The following EFR3A variants were observed in gnomAD, a reference collection of about 807,000 sequenced individuals.
EFR3A encodes the protein EFR3 homolog A.
Under a neutral mutation model 104.4 loss-of-function variants are expected in EFR3A, and 76 were observed. The ratio of observed to expected loss-of-function variants is 0.73; its 90% confidence interval spans 0.60 to 0.88. The LOEUF is 0.88. Among genes scored for constraint, EFR3A ranks in the 40% least tolerant of loss-of-function variants. The probability of loss-of-function intolerance (pLI) is 0.00; values close to 1 mark genes in which losing one functional copy is unlikely to be tolerated. For synonymous variants in EFR3A, 330 were observed against 330.0 expected (o/e 1.00, Z 0.00); for missense variants, 985 against 1,012.5 (o/e 0.97, Z 0.37).
chr8:131,945,363 A>G (rs1224808269), intron 3 of EFR3A, among the ~76,000 whole-genome samples: 2 of 152,022 alleles, frequency 1.3e-5, no homozygotes, highest in Admixed American at 6.6e-5. Context: ...TGTGCTAGCT[A>G]TACTCTTACT....
chr8:131,933,152 TAAAA>T (rs1817699808), intron 1 of EFR3A, among the ~76,000 whole-genome samples: 1 of 152,126 alleles, frequency 6.6e-6, no homozygotes, highest in African/African-American at 2.4e-5. Flanking sequence ...TTTTATATAT[TAAAA>T]AAGGGAATCA....
chr8:131,942,608 G>A (rs1818217177), intron 2 of EFR3A, among the ~76,000 whole-genome samples: 1 of 152,060 alleles, frequency 6.6e-6, no homozygotes, highest in African/African-American at 2.4e-5. Flanking sequence ...GTCTATCATT[G>A]TGCCTGGCAC....
intron 1 of EFR3A, among the ~76,000 whole-genome samples, chr8:131,911,954 A>C (rs945250805): frequency 6.6e-6 from 1 of 152,222 alleles, no homozygotes; most frequent in South Asian, 2.1e-4. Flanking sequence ...GCCGAGGGAA[A>C]GTTAGAGTAA....
At chr8:131,986,947 C>G (rs962235331) in intron 17 of EFR3A, among the ~76,000 whole-genome samples, 5 of 151,896 alleles carry the variant, frequency 3.3e-5, no homozygotes, top group African/African-American at 1.2e-4. Context: ...TAATAGGTAA[C>G]AATACTCAAA....
chr8:131,972,570 TAC>T (rs1391895395), intron 10 of EFR3A, among the ~76,000 whole-genome samples: 1 of 151,890 alleles, frequency 6.6e-6, no homozygotes, highest in African/African-American at 2.4e-5. Context: ...ACTGTATAAA[TAC>T]AGATTCAAGC....
chr8:131,936,288 C>T (rs1817875764), intron 1 of EFR3A, among the ~76,000 whole-genome samples: 3 of 152,110 alleles, frequency 2.0e-5, no homozygotes, highest in Admixed American at 1.3e-4. Flanking sequence ...AAACTGCTTG[C>T]TTCTTCTACT....
At chr8:131,968,702 A>G (rs1416822795) in intron 9 of EFR3A, among the ~76,000 whole-genome samples, 2 of 152,174 alleles carry the variant, frequency 1.3e-5, no homozygotes, top group Non-Finnish European at 2.9e-5. Flanking sequence ...GAGAGAATGC[A>G]GATATAAGAA....
intron 1 of EFR3A, among the ~76,000 whole-genome samples, chr8:131,915,919 G>T (rs1268987195): frequency 6.6e-6 from 1 of 152,138 alleles, no homozygotes; most frequent in African/African-American, 2.4e-5. Context: ...AGACACTGAG[G>T]ATACGGTGCT....
chr8:131,977,389 C>T (rs1478737735), intron 12 of EFR3A, among the ~76,000 whole-genome samples: 2 of 152,062 alleles, frequency 1.3e-5, no homozygotes, highest in African/African-American at 4.8e-5. Flanking sequence ...TGATAAGGTC[C>T]ACCAAAGTCA....
At chr8:131,914,075 G>C (rs1194894553) in intron 1 of EFR3A, among the ~76,000 whole-genome samples, 7 of 152,162 alleles carry the variant, frequency 4.6e-5, no homozygotes, top group Non-Finnish European at 8.8e-5. Context: ...AGAATCAGCA[G>C]GTTATCAGTT....
intron 9 of EFR3A, 141 bp downstream of exon 9, chr8:131,968,571 G>T: frequency 1.2e-6 from 1 of 834,068 alleles, no homozygotes; most frequent in African/African-American, 1.7e-5. Flanking sequence ...TGAAATTTGG[G>T]TTCATGCAAT....
chr8:131,993,820 CCAA>C (rs1204000165), intron 18 of EFR3A, among the ~76,000 whole-genome samples: 1 of 152,046 alleles, frequency 6.6e-6, no homozygotes, highest in Non-Finnish European at 1.5e-5. Context: ...CGTGTGCAAA[CCAA>C]CACAGTAACA....
chr8:131,915,432 A>C (rs1030961871), intron 1 of EFR3A, among the ~76,000 whole-genome samples: 1 of 152,124 alleles, frequency 6.6e-6, no homozygotes. Flanking sequence ...TTCCTGTTGG[A>C]TTTCTCTTAG....
intron 1 of EFR3A, among the ~76,000 whole-genome samples, chr8:131,915,617 C>G (rs1212211190): frequency 6.6e-6 from 1 of 152,172 alleles, no homozygotes; most frequent in Non-Finnish European, 1.5e-5. Flanking sequence ...AGGGGAGAGA[C>G]TGCACCTCTG....
At chr8:131,955,256 A>G (rs1008758384) in intron 6 of EFR3A, among the ~76,000 whole-genome samples, 2 of 152,212 alleles carry the variant, frequency 1.3e-5, no homozygotes, top group Non-Finnish European at 2.9e-5. Context: ...ATTATTATTC[A>G]TAAATTCATT....
At position 131,978,851 on chromosome 8, in the gene EFR3A, C is replaced by T. The variant is rs1265532789; in HGVS notation, c.1331C>T (p.Thr444Ile). 2 of 1,587,626 alleles carry T rather than the reference C, an allele frequency of 1.3e-6. No homozygotes were observed. The highest frequency in any genetic ancestry group is 1.7e-6 in the Non-Finnish European group (2 of 1,168,552). Residue 444 changes from threonine to isoleucine, a missense_variant, in exon 13 of 23, where the codon ACC (threonine) becomes ATC (isoleucine). Physicochemically the swap from Thr to Ile is moderately conservative, Grantham distance 89. Transcript: ENST00000254624. ...IMLLRSLLMV[T>I]SGYKAKTIVT... The stretch of plus-strand genomic sequence containing the variant: ...TGTTTTCTTCTCGATAATCAGGTGA[C>T]CTCTGGATATAAAGCGAAGACGATT...
chr8:131,926,732 T>C (rs1294122475), intron 1 of EFR3A, among the ~76,000 whole-genome samples: 2 of 152,090 alleles, frequency 1.3e-5, no homozygotes, highest in African/African-American at 4.8e-5. Flanking sequence ...TGATACTCCC[T>C]CCTTAGCCTC....
chr8:131,960,803 G>C (rs1487085834), intron 8 of EFR3A, among the ~76,000 whole-genome samples: 2 of 152,122 alleles, frequency 1.3e-5, no homozygotes, highest in African/African-American at 4.8e-5. Context: ...TTTCTTGAGG[G>C]TAATAAGATG....
chr8:131,981,021 TTATA>T (rs762282805), intron 14 of EFR3A, among the ~76,000 whole-genome samples: 4 of 126,040 alleles, frequency 3.2e-5, no homozygotes, highest in East Asian at 6.4e-4. Context: ...GTATTTCATT[TTATA>T]TATATATATA....
Sources: allele counts gnomAD v4.1 joint callset (sites outside exome capture counted in the v4.1 genomes callset), GRCh38; gene constraint gnomAD v4.1.1; transcripts MANE v1.5; gene names NCBI Gene and HGNC (gene_info 2026-07-23, HGNC 2026-07-21).